Variants in NTM observed in about 807,000 individuals in gnomAD.
The protein encoded by NTM is IgLON family member 2.
Under a neutral mutation model 42.1 loss-of-function variants are expected in NTM, and 13 were observed. The ratio of observed to expected loss-of-function variants is 0.31; its 90% confidence interval spans 0.20 to 0.49. NTM has a LOEUF of 0.49. Ranked by LOEUF, NTM falls within the 20% of genes least tolerant of loss-of-function variation. NTM has a pLI of 0.99. For missense variants in NTM, 373 were observed against 452.8 expected, an observed-to-expected ratio of 0.82 and a Z score of 1.60; for synonymous variants, 187 against 179.2, an observed-to-expected ratio of 1.04 and a Z score of -0.35.
intron 1 of NTM, among the ~76,000 whole-genome samples, chr11:131,448,058 G>T (rs891702586): frequency 6.6e-6 from 1 of 152,232 alleles, no homozygotes; most frequent in African/African-American, 2.4e-5. Context: ...CCTGCTGCCA[G>T]ACCACATCTG....
chr11:131,523,542 A>C (rs1332649063), intron 1 of NTM, among the ~76,000 whole-genome samples: 1 of 152,190 alleles, frequency 6.6e-6, no homozygotes, highest in Non-Finnish European at 1.5e-5. Context: ...TAATCCCAGC[A>C]CTTTGGGAGG....
intron 1 of NTM, chr11:131,502,773 T>C: frequency 6.6e-6 from 1 of 152,290 alleles, no homozygotes; most frequent in Non-Finnish European, 1.5e-5. Context: ...AGATGTATCC[T>C]TGGCACCCAG....
At chr11:132,311,968 T>TGTTTCTGTCTTTCTTTCAGTTCTTCTG (rs1413886295) in intron 6 of NTM, among the ~76,000 whole-genome samples, 1 of 111,124 alleles carries the variant, frequency 9.0e-6, no homozygotes, top group Non-Finnish European at 1.7e-5. Context: ...CAGGCAGCTT[T>TGTTTCTGTCTTTCTTTCAGTTCTTCTG]GTTTCTGTCT....
chr11:131,741,326 G>C (rs747908510), intron 1 of NTM, among the ~76,000 whole-genome samples: 3 of 152,212 alleles, frequency 2.0e-5, no homozygotes, highest in Non-Finnish European at 2.9e-5. Flanking sequence ...ATGAGGGCCT[G>C]AGTTCTGTAC....
At chr11:131,885,289 G>A (rs1457758798) in intron 1 of NTM, among the ~76,000 whole-genome samples, 1 of 152,218 alleles carries the variant, frequency 6.6e-6, no homozygotes, top group African/African-American at 2.4e-5. Flanking sequence ...GAGAGGAAAA[G>A]GTGATAAAGG....
intron 2 of NTM, among the ~76,000 whole-genome samples, chr11:131,998,049 C>T (rs781361098): frequency 5.9e-5 from 9 of 152,058 alleles, no homozygotes; most frequent in Non-Finnish European, 1.2e-4. Flanking sequence ...GTGTTCCCCT[C>T]CTCTTTCCTG....
chr11:132,139,755 T>G (rs972309112), intron 2 of NTM, among the ~76,000 whole-genome samples: 1 of 152,110 alleles, frequency 6.6e-6, no homozygotes, highest in Non-Finnish European at 1.5e-5. Flanking sequence ...CACTGGGCCT[T>G]TATTGGATGC....
intron 3 of NTM, among the ~76,000 whole-genome samples, chr11:132,189,669 G>C (rs1046585645): frequency 5.6e-4 from 71 of 125,896 alleles, no homozygotes; most frequent in African/African-American, 2.1e-3. Flanking sequence ...CACACACACA[G>C]ACACACACGA....
At chr11:131,886,449 G>T (rs918004063) in intron 1 of NTM, among the ~76,000 whole-genome samples, 1 of 152,188 alleles carries the variant, frequency 6.6e-6, no homozygotes, top group Non-Finnish European at 1.5e-5. Flanking sequence ...CAATGGTTTT[G>T]CTGGGGCAGC....
At chr11:131,867,931 CAG>C (rs1233375308) in intron 1 of NTM, among the ~76,000 whole-genome samples, 23 of 152,118 alleles carry the variant, frequency 1.5e-4, no homozygotes, top group Admixed American at 1.3e-3. Flanking sequence ...CTGGAGACCT[CAG>C]AAAGAATGAC....
chr11:132,136,052 A>T (rs1361794729), intron 2 of NTM, among the ~76,000 whole-genome samples: 6 of 152,004 alleles, frequency 3.9e-5, no homozygotes, highest in Admixed American at 3.9e-4. Context: ...GTCTTTCCAG[A>T]CCCTGGGGAC....
intron 1 of NTM, among the ~76,000 whole-genome samples, chr11:131,387,888 T>G (rs1233105168): frequency 6.6e-6 from 1 of 152,098 alleles, no homozygotes; most frequent in Non-Finnish European, 1.5e-5. Flanking sequence ...GGGACCCCGG[T>G]TTCTAATCTG....
At position 132,231,665 on chromosome 11, in the gene NTM, C is replaced by G. The variant is rs1017337607; in HGVS notation, c.526+19518C>G. The stretch of plus-strand genomic sequence containing the variant: ...CAGTCTTGAACTGTGATATGTTTTT[C>G]GTCATTGCTGGGTAAGCAACTTCCT... On this transcript the variant is annotated intron_variant, in intron 4 of 8. Coordinates refer to ENST00000683400, the MANE Select transcript of NTM (RefSeq NM_001352005.2). Among the ~76,000 whole-genome samples, 5 of 152,254 alleles carry G rather than the reference C, an allele frequency of 3.3e-5. No homozygotes were observed. In the East Asian group the frequency reaches 9.7e-4, roughly 29 times the overall value.
At chr11:131,550,603 T>C (rs956891063) in intron 1 of NTM, among the ~76,000 whole-genome samples, 3 of 152,224 alleles carry the variant, frequency 2.0e-5, no homozygotes, top group East Asian at 3.9e-4. Context: ...TGAATCCTCC[T>C]TGGCCATGCT....
At chr11:132,306,840 C>CTT (rs1203999805) in intron 4 of NTM, among the ~76,000 whole-genome samples, 1 of 152,198 alleles carries the variant, frequency 6.6e-6, no homozygotes, top group Non-Finnish European at 1.5e-5. Context: ...TGGGAGAGAA[C>CTT]TTTGAAATCT....
intron 1 of NTM, among the ~76,000 whole-genome samples, chr11:131,472,891 C>T (rs12576852): frequency 0.11 from 16,208 of 152,080 alleles, 1,758 homozygotes; most frequent in East Asian, 0.5. Flanking sequence ...ATTGAGTCAT[C>T]CCTTGATCTT....
At chr11:131,911,241 C>T (rs2054886127) in intron 1 of NTM, 3 of 1,414,092 alleles carry the variant, frequency 2.1e-6, no homozygotes, top group East Asian at 2.6e-5. Flanking sequence ...GGAGGGAGCC[C>T]CCTTTGGCCG....
intron 4 of NTM, among the ~76,000 whole-genome samples, chr11:132,288,706 AGCTC>A (rs2094342641): frequency 6.6e-6 from 1 of 151,632 alleles, no homozygotes; most frequent in Non-Finnish European, 1.5e-5. Flanking sequence ...TGCAACCTCC[AGCTC>A]CCGGGTTCAA....
chr11:131,445,230 C>G (rs940277637), intron 1 of NTM, among the ~76,000 whole-genome samples: 10 of 152,188 alleles, frequency 6.6e-5, no homozygotes, highest in Admixed American at 6.5e-5. Flanking sequence ...GCATTTGTAT[C>G]TCCGTACACT....
Sources: allele counts gnomAD v4.1 joint callset (sites outside exome capture counted in the v4.1 genomes callset), GRCh38; gene constraint gnomAD v4.1.1; transcripts MANE v1.5; gene names NCBI Gene and HGNC (gene_info 2026-07-23, HGNC 2026-07-21).